Variants in CDH12 observed in about 807,000 individuals in gnomAD.
CDH12 encodes cadherin 12.
CDH12 carries 41 observed loss-of-function variants against 74.1 expected under a neutral mutation model. The ratio of observed to expected loss-of-function variants is 0.55; its 90% CI spans 0.43 to 0.72. The LOEUF is 0.72. Ranked by LOEUF, CDH12 falls within the 30% of genes least tolerant of loss-of-function variation. The pLI is 0.00. For synonymous variants in CDH12, 399 were observed against 355.0 expected (o/e 1.12, Z -1.39); for missense variants, 945 against 977.2 (o/e 0.97, Z 0.44).
chr5:22,409,254 G>A (rs945881025), intron 2 of CDH12, among the ~76,000 whole-genome samples: 2 of 151,948 alleles, frequency 1.3e-5, no homozygotes, highest in African/African-American at 2.4e-5. Flanking sequence ...TCCTTCTAGA[G>A]AAACTGCTTA....
intron 1 of CDH12, among the ~76,000 whole-genome samples, chr5:22,721,271 C>A (rs1241212153): frequency 1.3e-5 from 2 of 152,198 alleles, no homozygotes; most frequent in Non-Finnish European, 2.9e-5. Flanking sequence ...GCCATGGGAG[C>A]CTACCTCTTG....
chr5:22,406,755 T>C (rs1742956991), intron 2 of CDH12, among the ~76,000 whole-genome samples: 1 of 152,116 alleles, frequency 6.6e-6, no homozygotes, highest in Non-Finnish European at 1.5e-5. Flanking sequence ...GTTTATTGAA[T>C]GTGGATTTTT....
At chr5:22,187,867 TGA>T (rs1349878359) in intron 4 of CDH12, among the ~76,000 whole-genome samples, 2 of 152,164 alleles carry the variant, frequency 1.3e-5, no homozygotes, top group African/African-American at 4.8e-5. Context: ...TGATTTAAAA[TGA>T]GAGAGGAGTT....
chr5:22,358,544 G>T (rs1022366867), intron 3 of CDH12, among the ~76,000 whole-genome samples: 2 of 152,188 alleles, frequency 1.3e-5, no homozygotes, highest in Admixed American at 1.3e-4. Context: ...CAGGCATCTG[G>T]ATAATTTAGC....
rs1460095260 is a variant in CDH12 at position 21,838,577 on chromosome 5, AC to A, written c.814+3583del. On this transcript the variant is annotated intron_variant, in intron 8 of 14. Transcript: ENST00000382254. Reference sequence around the variant, plus strand: ...TCCATCTCAAAAAAACAAAAACAAAACAAAAAAAAGTTCCAATGCCCTTATC... The same window carrying A: ...TCCATCTCAAAAAAACAAAAACAAAAAAAAAAAAGTTCCAATGCCCTTATC... Among the ~76,000 whole-genome samples, 3 of 151,998 alleles carry A rather than the reference AC, an allele frequency of 2.0e-5. No individual in the cohort carries two copies. The East Asian group carries it at 5.8e-4, about 29-fold the overall frequency.
chr5:21,780,856 T>C (rs921277519), intron 11 of CDH12, among the ~76,000 whole-genome samples: 6 of 152,060 alleles, frequency 3.9e-5, no homozygotes, highest in African/African-American at 1.4e-4. Context: ...TCTGCATAAA[T>C]GAAATAAATG....
intron 3 of CDH12, among the ~76,000 whole-genome samples, chr5:22,240,949 G>A (rs892581224): frequency 6.6e-6 from 1 of 152,116 alleles, no homozygotes; most frequent in Non-Finnish European, 1.5e-5. Flanking sequence ...TACAGAGGAA[G>A]AGGAGAAGGG....
chr5:22,751,453 T>C (rs1232245540), intron 1 of CDH12, among the ~76,000 whole-genome samples: 1 of 151,504 alleles, frequency 6.6e-6, no homozygotes. Flanking sequence ...AGTCTTCTAT[T>C]TCCATGATAA....
intron 1 of CDH12, among the ~76,000 whole-genome samples, chr5:22,777,400 T>A (rs1398920760): frequency 6.6e-6 from 1 of 152,120 alleles, no homozygotes; most frequent in African/African-American, 2.4e-5. Context: ...CTCATAAGAG[T>A]TACTGAAATA....
chr5:22,536,707 A>G (rs575483384), intron 1 of CDH12, among the ~76,000 whole-genome samples: 7 of 152,352 alleles, frequency 4.6e-5, no homozygotes, highest in African/African-American at 1.7e-4. Context: ...CTAACAGTGC[A>G]GAGCTAAAAA....
intron 12 of CDH12, 48 bp downstream of exon 12, chr5:21,764,930 G>A (rs1372233509): frequency 6.3e-7 from 1 of 1,588,650 alleles, no homozygotes; most frequent in East Asian, 2.2e-5. Flanking sequence ...CTTAAAACAT[G>A]CATATGGTGG....
At chr5:22,383,133 G>A (rs962389791) in intron 3 of CDH12, among the ~76,000 whole-genome samples, 1 of 152,048 alleles carries the variant, frequency 6.6e-6, no homozygotes, top group Non-Finnish European at 1.5e-5. Flanking sequence ...GCCCAGTCTC[G>A]TATTCAAATT....
intron 1 of CDH12, among the ~76,000 whole-genome samples, chr5:22,554,381 A>T (rs1352526515): frequency 6.6e-6 from 1 of 152,124 alleles, no homozygotes; most frequent in African/African-American, 2.4e-5. Flanking sequence ...AGATGTTGAT[A>T]ATGAGGGAGG....
intron 1 of CDH12, among the ~76,000 whole-genome samples, chr5:22,754,583 AAAC>A (rs983552887): frequency 6.7e-6 from 1 of 148,870 alleles, no homozygotes; most frequent in African/African-American, 2.5e-5. Flanking sequence ...AAAAAAAAAA[AAAC>A]AACAGCAGCT....
At chr5:21,787,089 C>T (rs951421676) in intron 10 of CDH12, among the ~76,000 whole-genome samples, 1 of 152,056 alleles carries the variant, frequency 6.6e-6, no homozygotes, top group South Asian at 2.1e-4. Context: ...TTGTTGAAAT[C>T]ATAACAAAAT....
intron 5 of CDH12, among the ~76,000 whole-genome samples, chr5:22,059,291 CTATCATCT>C (rs1366339360): frequency 1.3e-3 from 182 of 143,342 alleles, no homozygotes; most frequent in African/African-American, 2.8e-3. Context: ...ATCTATCTAT[CTATCATCT>C]ATCTATCTAT....
At chr5:22,553,467 T>C (rs1738664759) in intron 1 of CDH12, among the ~76,000 whole-genome samples, 1 of 152,112 alleles carries the variant, frequency 6.6e-6, no homozygotes, top group Non-Finnish European at 1.5e-5. Context: ...TAGCACTCAG[T>C]CTAGCATATA....
At chr5:22,274,600 A>G (rs889820038) in intron 3 of CDH12, among the ~76,000 whole-genome samples, 76 of 152,192 alleles carry the variant, frequency 5.0e-4, no homozygotes, top group Middle Eastern at 3.5e-3. Context: ...TCAGTAACTC[A>G]GGCACATACA....
intron 4 of CDH12, among the ~76,000 whole-genome samples, chr5:22,116,864 CTTTT>C (rs70957090): frequency 0.066 from 7,167 of 107,996 alleles, 642 homozygotes; most frequent in African/African-American, 0.23. Context: ...CTGCAAGTCT[CTTTT>C]TTTTTTTTTT....
Sources: gnomAD v4.1 joint callset for allele counts (sites outside exome capture counted in the v4.1 genomes callset) on GRCh38, gnomAD v4.1.1 for gene constraint, MANE v1.5 for transcripts, NCBI Gene and HGNC (gene_info 2026-07-23, HGNC 2026-07-21) for gene names.